The following WDR70 variants were observed in gnomAD, a reference collection of about 807,000 sequenced individuals.
The protein encoded by WDR70 is WD repeat domain 70.
A neutral mutation model predicts 88.6 loss-of-function variants in WDR70; 53 were observed. The ratio of observed to expected loss-of-function variants is 0.60; its 90% CI spans 0.48 to 0.75. The LOEUF (loss-of-function observed/expected upper bound fraction) is 0.75, where lower values mean the gene tolerates loss of function less well. Ranked by LOEUF, WDR70 falls within the 30% of genes least tolerant of loss-of-function variation. The pLI, the probability that WDR70 is intolerant of heterozygous loss-of-function variation, is 0.00. For synonymous variants in WDR70, 280 were observed against 270.0 expected (o/e 1.04, Z -0.36); for missense variants, 610 against 823.2 (o/e 0.74, Z 3.17).
chr5:37,516,629 T>C (rs1317886992), intron 9 of WDR70, 39 bp downstream of exon 9: 6 of 1,383,906 alleles, frequency 4.3e-6, no homozygotes, highest in Non-Finnish European at 6.0e-6. Context: ...CATTCATATC[T>C]TTAGGTATTT....
intron 10 of WDR70, among the ~76,000 whole-genome samples, chr5:37,679,502 A>G (rs1404750735): frequency 1.3e-5 from 2 of 152,130 alleles, no homozygotes; most frequent in African/African-American, 4.8e-5. Flanking sequence ...TCCACACCAG[A>G]CCCTGTTTGC....
chr5:37,666,106 G>C (rs527618815), intron 10 of WDR70, among the ~76,000 whole-genome samples: 2 of 152,212 alleles, frequency 1.3e-5, no homozygotes, highest in African/African-American at 4.8e-5. Context: ...ACTTCAAAGG[G>C]GGGCACCGCC....
At chr5:37,524,851 A>T (rs907000360) in intron 9 of WDR70, among the ~76,000 whole-genome samples, 4 of 152,198 alleles carry the variant, frequency 2.6e-5, no homozygotes, top group Non-Finnish European at 4.4e-5. Context: ...TAAAACAGAC[A>T]TTAAACCAAC....
chr5:37,560,676 G>T (rs1742475766), intron 9 of WDR70, among the ~76,000 whole-genome samples: 1 of 152,050 alleles, frequency 6.6e-6, no homozygotes, highest in South Asian at 2.1e-4. Flanking sequence ...ATAAAAAAGA[G>T]ACTAGGCCTC....
At chr5:37,752,019 T>C (rs1256343845) in intron 17 of WDR70, among the ~76,000 whole-genome samples, 1 of 152,222 alleles carries the variant, frequency 6.6e-6, no homozygotes, top group Non-Finnish European at 1.5e-5. Flanking sequence ...CAAACTCATA[T>C]TTTCCCATTT....
intron 8 of WDR70, among the ~76,000 whole-genome samples, chr5:37,483,552 TC>T (rs1241349386): frequency 2.0e-5 from 3 of 152,130 alleles, no homozygotes; most frequent in South Asian, 2.1e-4. Flanking sequence ...CCCCCACCTT[TC>T]CCCCTTTTCT....
intron 16 of WDR70, among the ~76,000 whole-genome samples, chr5:37,726,063 T>C (rs188367145): frequency 6.6e-6 from 1 of 152,288 alleles, no homozygotes; most frequent in East Asian, 1.9e-4. Flanking sequence ...CCATTCTGCT[T>C]ATTGAAAATA....
At chr5:37,401,464 C>T (rs370405624) in intron 5 of WDR70, among the ~76,000 whole-genome samples, 6 of 151,952 alleles carry the variant, frequency 3.9e-5, no homozygotes, top group South Asian at 4.2e-4. Context: ...TACAGGCACG[C>T]GCCACTGCAC....
intron 5 of WDR70, among the ~76,000 whole-genome samples, chr5:37,412,190 C>T (rs907308234): frequency 6.6e-6 from 1 of 152,062 alleles, no homozygotes; most frequent in African/African-American, 2.4e-5. Flanking sequence ...AGTTCGAGAC[C>T]AGCCTGGCCA....
At chr5:37,384,792 T>C (rs1430747194) in intron 3 of WDR70, among the ~76,000 whole-genome samples, 1 of 152,068 alleles carries the variant, frequency 6.6e-6, no homozygotes, top group Non-Finnish European at 1.5e-5. Flanking sequence ...AGTACTTTAT[T>C]TCTGACACCA....
At chr5:37,567,069 A>G (rs965037733) in intron 9 of WDR70, among the ~76,000 whole-genome samples, 2 of 152,120 alleles carry the variant, frequency 1.3e-5, no homozygotes, top group Non-Finnish European at 2.9e-5. Context: ...TGTTTTCTCA[A>G]TTTTCTCCCC....
chr5:37,705,219 T>C (rs1747287991), intron 13 of WDR70, among the ~76,000 whole-genome samples: 1 of 152,166 alleles, frequency 6.6e-6, no homozygotes, highest in Non-Finnish European at 1.5e-5. Flanking sequence ...TAAAAACATT[T>C]ATAGTGCATA....
At chr5:37,491,121 A>G (rs376102316) in intron 8 of WDR70, among the ~76,000 whole-genome samples, 9 of 152,244 alleles carry the variant, frequency 5.9e-5, no homozygotes, top group South Asian at 2.1e-4. Flanking sequence ...CTAGGATTGC[A>G]GGTATCTACA....
intron 10 of WDR70, among the ~76,000 whole-genome samples, chr5:37,632,795 A>C (rs1346899167): frequency 2.0e-5 from 3 of 152,242 alleles, no homozygotes; most frequent in African/African-American, 7.2e-5. Context: ...TACTGCATTT[A>C]TAAAGTGTAC....
chr5:37,623,416 G>A (rs1288112459), intron 10 of WDR70, among the ~76,000 whole-genome samples: 8 of 152,042 alleles, frequency 5.3e-5, no homozygotes. Context: ...TGCTTTCAGA[G>A]TTTTAAAGAA....
intron 10 of WDR70, among the ~76,000 whole-genome samples, chr5:37,666,622 G>A (rs1745850739): frequency 6.6e-6 from 1 of 152,174 alleles, no homozygotes; most frequent in Non-Finnish European, 1.5e-5. Flanking sequence ...TTGGTGGTTG[G>A]TGACAGGACT....
chr5:37,488,737 T>C (rs1383167578), intron 8 of WDR70, among the ~76,000 whole-genome samples: 2 of 152,226 alleles, frequency 1.3e-5, no homozygotes, highest in Non-Finnish European at 2.9e-5. Flanking sequence ...TTCTCTTGTA[T>C]ATCACTGAGC....
intron 9 of WDR70, among the ~76,000 whole-genome samples, chr5:37,568,377 CCT>C (rs1742807490): frequency 6.6e-6 from 1 of 152,046 alleles, no homozygotes; most frequent in African/African-American, 2.4e-5. Context: ...TGGTTTAGCC[CCT>C]GTTTATTTTA....
chr5:37,646,288 C>A (rs1745237830), intron 10 of WDR70, among the ~76,000 whole-genome samples: 1 of 152,038 alleles, frequency 6.6e-6, no homozygotes, highest in African/African-American at 2.4e-5. Flanking sequence ...TTCATCCCTC[C>A]ACTTTTTAGC....
Sources: gnomAD v4.1 joint callset for allele counts (sites outside exome capture counted in the v4.1 genomes callset) on GRCh38, gnomAD v4.1.1 for gene constraint, MANE v1.5 for transcripts, NCBI Gene and HGNC (gene_info 2026-07-23, HGNC 2026-07-21) for gene names.